Variants in SRGAP1 observed in about 807,000 individuals in gnomAD.
The protein encoded by SRGAP1 is SLIT-ROBO Rho GTPase activating protein 1.
A neutral mutation model predicts 121.9 loss-of-function variants in SRGAP1; 43 were observed. The ratio of observed to expected loss-of-function variants is 0.35; its 90% CI spans 0.28 to 0.46. SRGAP1 has a LOEUF of 0.46. SRGAP1 is among the 20% of genes least tolerant of loss of function. The pLI is 1.00. For synonymous variants in SRGAP1, 447 were observed against 485.4 expected, an observed-to-expected ratio of 0.92 and a Z score of 1.04; for missense variants, 1,102 against 1,350.9, an observed-to-expected ratio of 0.82 and a Z score of 2.89.
At chr12:63,934,314 G>A (rs558068322) in intron 1 of SRGAP1, among the ~76,000 whole-genome samples, 16 of 152,154 alleles carry the variant, frequency 1.1e-4, no homozygotes, top group African/African-American at 3.4e-4. Context: ...CTCTACTCCC[G>A]TACTGCCAGC....
rs552970389 is a variant in SRGAP1, at chr12:64,142,937, C to T, written c.*265C>T. 2.3e-6 allele frequency: 1 copy of T among 442,344 alleles called. No homozygotes were observed. The highest frequency in any genetic ancestry group is 4.4e-5 in the East Asian group (1 of 22,842). 27.4% of individuals were successfully genotyped at this position (442,344 alleles called of 1,614,324 possible). A position where few individuals can be genotyped will look rare whatever the true frequency, so the allele number is the denominator to read the frequency against. On this transcript the variant is annotated 3_prime_UTR_variant, in exon 22 of 22. Coordinates refer to ENST00000355086, the MANE Select transcript of SRGAP1 (RefSeq NM_020762.4). ...TACTTGAAAATCCAATGCTGCACCA[C>T]TTGTAATGAAGGCAACACCGCTCTC...
chr12:63,959,467 T>A (rs2136377339), intron 1 of SRGAP1, among the ~76,000 whole-genome samples: 1 of 152,308 alleles, frequency 6.6e-6, no homozygotes, highest in South Asian at 2.1e-4. Flanking sequence ...AGAAATCCAA[T>A]TCAGCTGGCA....
At chr12:64,072,179 T>A (rs1388556962) in intron 8 of SRGAP1, among the ~76,000 whole-genome samples, 1 of 147,260 alleles carries the variant, frequency 6.8e-6, no homozygotes, top group Non-Finnish European at 1.5e-5. Flanking sequence ...TCTGCTAATT[T>A]TTAGTACATC....
chr12:63,988,371 C>A (rs1451483695), intron 2 of SRGAP1, among the ~76,000 whole-genome samples: 1 of 152,092 alleles, frequency 6.6e-6, no homozygotes, highest in African/African-American at 2.4e-5. Context: ...AGAAAAGCTC[C>A]AATTACCTGT....
chr12:64,094,990 A>G lies in SRGAP1; in HGVS notation c.1598A>G (p.Tyr533Cys), dbSNP rs763056046. The G allele has an allele frequency of 1.9e-6, 3 of 1,614,050 alleles. No individual in the cohort carries two copies. The highest frequency in any genetic ancestry group is 2.2e-5 in the South Asian group (2 of 91,086). ...AGCTGTATTCGGTTCATCAATCTCTATGGTAAGCCATAAACTACAGAATTC... is the reference window on the plus strand; with the variant it reads ...AGCTGTATTCGGTTCATCAATCTCTGTGGTAAGCCATAAACTACAGAATTC... Reference protein sequence around the residue: ...VESCIRFINLYGLQHQGIFRV... With the variant: ...VESCIRFINLCGLQHQGIFRV... The change falls in exon 13 of 22, where the codon TAT (tyrosine) becomes TGT (cysteine). Residue 533 changes from tyrosine (Y) to cysteine (C), a missense_variant and splice_region_variant. Tyr to Cys is a radical substitution (Grantham distance 194). Coordinates refer to ENST00000355086, the MANE Select transcript of SRGAP1 (RefSeq NM_020762.4).
At chr12:63,868,069 T>G (rs1565927681) in intron 1 of SRGAP1, among the ~76,000 whole-genome samples, 50 of 103,524 alleles carry the variant, frequency 4.8e-4, no homozygotes, top group Admixed American at 9.6e-4. Flanking sequence ...TTTTTTTTTT[T>G]TTTTTTTTTG....
intron 15 of SRGAP1, among the ~76,000 whole-genome samples, chr12:64,105,786 A>AAAC (rs368711512): frequency 0.033 from 5,060 of 152,124 alleles, 275 homozygotes; most frequent in African/African-American, 0.11. Context: ...TCTGTCTCAA[A>AAAC]AACAACAACA....
intron 15 of SRGAP1, among the ~76,000 whole-genome samples, chr12:64,099,521 G>A (rs1209168282): frequency 6.6e-6 from 1 of 152,142 alleles, no homozygotes; most frequent in Non-Finnish European, 1.5e-5. Flanking sequence ...CTCCAGTTGG[G>A]TATGAATTTC....
chr12:63,917,725 G>A (rs550201037), intron 1 of SRGAP1, among the ~76,000 whole-genome samples: 1 of 149,900 alleles, frequency 6.7e-6, no homozygotes, highest in Non-Finnish European at 1.5e-5. Context: ...AACCTGCTTA[G>A]GCCCAAATTT....
chr12:63,995,030 G>A (rs936571639), intron 3 of SRGAP1, among the ~76,000 whole-genome samples: 6 of 152,178 alleles, frequency 3.9e-5, no homozygotes, highest in African/African-American at 9.7e-5. Flanking sequence ...ATCACAAGGT[G>A]TTATTTACCA....
rs561637905 is a variant in SRGAP1 at position 63,924,790 on chromosome 12, G to T, written c.68-59157G>T. 1.7e-4 allele frequency among the ~76,000 whole-genome samples: 26 copies of T among 152,306 alleles called. No individual in the cohort carries two copies. In the South Asian group the frequency reaches 3.7e-3, roughly 22 times the overall value. Reference sequence around the variant, plus strand: ...TTGCTCCTTGAGAACCAGCCTGTGAGGATGTGAAATAAAATGTGTGAGTGT... The same window carrying T: ...TTGCTCCTTGAGAACCAGCCTGTGATGATGTGAAATAAAATGTGTGAGTGT... On this transcript the variant is annotated intron_variant, in intron 1 of 21. Coordinates refer to ENST00000355086, the MANE Select transcript of SRGAP1 (RefSeq NM_020762.4).
At chr12:63,890,887 A>G (rs926470010) in intron 1 of SRGAP1, among the ~76,000 whole-genome samples, 9 of 152,152 alleles carry the variant, frequency 5.9e-5, no homozygotes. Context: ...TGTTCCTTCA[A>G]AACTTTATGT....
At chr12:63,872,404 G>A (rs964583572) in intron 1 of SRGAP1, among the ~76,000 whole-genome samples, 2 of 152,184 alleles carry the variant, frequency 1.3e-5, no homozygotes, top group African/African-American at 2.4e-5. Context: ...TATGGGCTAC[G>A]ACCCCACACT....
At chr12:63,966,680 G>T (rs373449567) in intron 1 of SRGAP1, among the ~76,000 whole-genome samples, 6 of 152,042 alleles carry the variant, frequency 3.9e-5, no homozygotes, top group African/African-American at 1.4e-4. Flanking sequence ...CTTAATTTAG[G>T]CTTAAAAGAC....
chr12:63,886,147 G>A (rs1196725206), intron 1 of SRGAP1, among the ~76,000 whole-genome samples: 4 of 151,912 alleles, frequency 2.6e-5, no homozygotes, highest in African/African-American at 4.8e-5. Context: ...TGCAACCTTC[G>A]CCTCCCAGGT....
At chr12:64,067,130 G>T (rs1352190438) in intron 8 of SRGAP1, among the ~76,000 whole-genome samples, 1 of 152,152 alleles carries the variant, frequency 6.6e-6, no homozygotes, top group African/African-American at 2.4e-5. Flanking sequence ...TCAACTCCCA[G>T]TTCTCTTACA....
chr12:63,858,540 A>G (rs1285017175), intron 1 of SRGAP1, among the ~76,000 whole-genome samples: 1 of 152,096 alleles, frequency 6.6e-6, no homozygotes, highest in East Asian at 1.9e-4. Context: ...AAGATTTTGA[A>G]ACTTTGAAAT....
chr12:63,954,178 C>T (rs1416337933), intron 1 of SRGAP1, among the ~76,000 whole-genome samples: 1 of 151,948 alleles, frequency 6.6e-6, no homozygotes, highest in African/African-American at 2.4e-5. Context: ...TTTTCCTCTG[C>T]CTAGGAGAAA....
At position 63,966,585 on chromosome 12, in the gene SRGAP1, AT is replaced by A. The variant is rs551472889; in HGVS notation, c.68-17352del. ...ACTTAAACTACCACCCCATATTCTA[AT>A]TTTTTTTTTCTAGAATTTCTTTTAA... is the stretch of plus-strand genomic sequence containing the variant. On this transcript the variant is annotated intron_variant, in intron 1 of 21. Coordinates refer to ENST00000355086, the MANE Select transcript of SRGAP1 (RefSeq NM_020762.4). Among the ~76,000 whole-genome samples, 120 of 150,252 alleles carry A rather than the reference AT, an allele frequency of 8.0e-4. 1 individual carries two copies. Among genetic ancestry groups the A allele is most frequent in the Middle Eastern group, 3.4e-3 (1 of 290 alleles).
Sources: allele counts gnomAD v4.1 joint callset (sites outside exome capture counted in the v4.1 genomes callset), GRCh38; gene constraint gnomAD v4.1.1; transcripts MANE v1.5; gene names NCBI Gene and HGNC (gene_info 2026-07-23, HGNC 2026-07-21).